GASK1A: variants seen among roughly 807,000 people sequenced by gnomAD.
The protein encoded by GASK1A is golgi associated kinase 1A.
A neutral mutation model predicts 41.2 loss-of-function variants in GASK1A; 40 were observed. That is an observed-to-expected ratio of 0.97 (90% CI 0.75 to 1.27). The LOEUF (loss-of-function observed/expected upper bound fraction) is 1.27. Among genes scored for constraint, GASK1A ranks in the 50% most tolerant of loss-of-function variants. The pLI, the probability that GASK1A is intolerant of heterozygous loss-of-function variation, is 0.00. For synonymous variants in GASK1A, 316 were observed against 307.1 expected (o/e 1.03, Z -0.30); for missense variants, 678 against 745.1 (o/e 0.91, Z 1.05).
intron 1 of GASK1A, among the ~76,000 whole-genome samples, chr3:43,007,445 G>A (rs1315079491): frequency 2.0e-5 from 3 of 152,200 alleles, no homozygotes; most frequent in Non-Finnish European, 4.4e-5. Context: ...TGACTTCACA[G>A]TATGGAGATC....
At chr3:43,024,041 T>C (rs2089534592) in intron 1 of GASK1A, among the ~76,000 whole-genome samples, 2 of 152,104 alleles carry the variant, frequency 1.3e-5, no homozygotes, top group African/African-American at 4.8e-5. Context: ...GTGGGTGTGT[T>C]CACTATATTC....
intron 1 of GASK1A, among the ~76,000 whole-genome samples, chr3:43,020,016 T>C (rs892464473): frequency 6.6e-6 from 1 of 152,304 alleles, no homozygotes; most frequent in East Asian, 1.9e-4. Flanking sequence ...AAAGATGACT[T>C]AGCCTCTGTC....
Position 43,033,322 on chromosome 3 carries a change from C to A in GASK1A, c.1059C>A (p.Ser353Arg), listed in dbSNP as rs754631823. Residue 353 changes from serine (S) to arginine (R), a missense_variant, in exon 2 of 5, where the codon AGC (serine) becomes AGA (arginine). Physicochemically the swap from Ser to Arg is moderately radical, Grantham distance 110. Transcript: ENST00000430121. ...SLPAVARRFH[S>R]PLLPYRYTDG... ...CTGCTGTGGCCCGCCGCTTCCATAGCCCCCTCCTGCCCTACCGATACACAG... is the reference window on the plus strand; with the variant it reads ...CTGCTGTGGCCCGCCGCTTCCATAGACCCCTCCTGCCCTACCGATACACAG... 3 of 1,551,048 alleles carry A rather than the reference C, an allele frequency of 1.9e-6. No homozygotes were observed. The highest frequency in any genetic ancestry group is 1.2e-5 in the South Asian group (1 of 83,992).
At chr3:43,043,338 C>T (rs1392248131) in intron 2 of GASK1A, among the ~76,000 whole-genome samples, 1 of 152,192 alleles carries the variant, frequency 6.6e-6, no homozygotes, top group Non-Finnish European at 1.5e-5. Context: ...CACTCCGGAC[C>T]TTCCCACCCC....
chr3:43,014,781 G>A (rs1476557034), intron 1 of GASK1A, among the ~76,000 whole-genome samples: 9 of 152,176 alleles, frequency 5.9e-5, no homozygotes, highest in Admixed American at 5.9e-4. Context: ...TCACAGGAAT[G>A]GGCAATGTGA....
At chr3:42,996,084 A>G (rs2089367755) in intron 1 of GASK1A, among the ~76,000 whole-genome samples, 1 of 151,774 alleles carries the variant, frequency 6.6e-6, no homozygotes, top group African/African-American at 2.4e-5. Context: ...CCCAACGTAT[A>G]ATCAACGTGG....
In GASK1A at chr3:43,030,756, T is replaced by C. The variant is rs541241116; in HGVS notation, c.4-1511T>C. 2.0e-5 allele frequency among the ~76,000 whole-genome samples: 3 copies of C among 152,220 alleles called. No homozygotes were observed. The East Asian group carries it at 5.8e-4, about 29-fold the overall frequency. On this transcript the variant is annotated intron_variant, in intron 1 of 4. Transcript: ENST00000430121. ...TGAGAATCTGTTGGCCCAGCATGGG[T>C]CAGGATCCAGGATGGCCCCATCAGC... is the stretch of plus-strand genomic sequence containing the variant.
chr3:43,051,660 T>G (rs1244476511), intron 2 of GASK1A, among the ~76,000 whole-genome samples: 1 of 152,242 alleles, frequency 6.6e-6, no homozygotes, highest in Non-Finnish European at 1.5e-5. Context: ...TGTTATCCAT[T>G]GTCTCAGACA....
intron 1 of GASK1A, among the ~76,000 whole-genome samples, chr3:42,999,520 G>T (rs1250156803): frequency 6.6e-6 from 1 of 152,196 alleles, no homozygotes; most frequent in Non-Finnish European, 1.5e-5. Flanking sequence ...AGCCCACCCT[G>T]ATGTACTCAG....
intron 1 of GASK1A, among the ~76,000 whole-genome samples, chr3:43,010,445 A>T (rs2089457959): frequency 6.6e-6 from 1 of 152,230 alleles, no homozygotes; most frequent in Admixed American, 6.5e-5. Flanking sequence ...CATGAAATAC[A>T]GTAGAGTGGG....
At position 43,040,905 on chromosome 3, in the gene GASK1A, T is replaced by C. The variant is rs958687236; in HGVS notation, c.1290+7352T>C. 1.4e-3 allele frequency among the ~76,000 whole-genome samples: 200 copies of C among 140,626 alleles called. 1 individual carries two copies. The highest frequency in any genetic ancestry group is 1.9e-3 in the Non-Finnish European group (121 of 65,088). 92.3% of individuals were successfully genotyped at this position (140,626 alleles called of 152,430 possible). A position where few individuals can be genotyped will look rare whatever the true frequency, so the allele number is the denominator to read the frequency against. On this transcript the variant is annotated intron_variant, in intron 2 of 4. Transcript: ENST00000430121. ...CCCCGCCACAACAGTCCGCAGAGTG[T>C]GATGTTCCCCTTCCTGTGTCCTTGT...
At position 42,996,773 on chromosome 3, in the gene GASK1A, G is replaced by A. The variant is rs764689280; in HGVS notation, c.3+17128G>A. Among the ~76,000 whole-genome samples the A allele has an allele frequency of 5.9e-4, 90 of 152,390 alleles. 1 individual carries two copies. Among genetic ancestry groups the A allele is most frequent in the Non-Finnish European group, 9.6e-4 (65 of 68,042 alleles). On this transcript the variant is annotated intron_variant, in intron 1 of 4. Transcript: ENST00000430121. Reference sequence around the variant, plus strand: ...GGAACTGGAGAAAGGTCATGGTCCTGTGGTCAGGGACTGAGGGGTGTTCCC... The same window carrying A: ...GGAACTGGAGAAAGGTCATGGTCCTATGGTCAGGGACTGAGGGGTGTTCCC...
intron 1 of GASK1A, among the ~76,000 whole-genome samples, chr3:43,027,460 C>A (rs1445653976): frequency 6.6e-6 from 1 of 151,982 alleles, no homozygotes; most frequent in African/African-American, 2.4e-5. Flanking sequence ...TAAAGAATAT[C>A]ATTTAAAGCT....
intron 1 of GASK1A, among the ~76,000 whole-genome samples, chr3:42,980,841 G>T (rs113724177): frequency 6.6e-6 from 1 of 152,142 alleles, no homozygotes; most frequent in African/African-American, 2.4e-5. Flanking sequence ...GGAATGATTG[G>T]GGGTACAGGA....
intron 1 of GASK1A, among the ~76,000 whole-genome samples, chr3:43,019,892 C>T (rs766765738): frequency 1.3e-5 from 2 of 152,170 alleles, no homozygotes; most frequent in African/African-American, 2.4e-5. Context: ...GGGAGAAGAG[C>T]ATGTGATCTG....
chr3:43,008,575 A>G lies in GASK1A; in HGVS notation c.4-23692A>G, dbSNP rs77219407. Among the ~76,000 whole-genome samples, 52 of 152,310 alleles carry G rather than the reference A, an allele frequency of 3.4e-4. No individual in the cohort carries two copies. The East Asian group carries it at 9.3e-3, about 27-fold the overall frequency. ...TTTTTCCATCTCAGATTTCAACTAT[A>G]GCTTTGTTTTAACCTTCTCAAGTGC... On this transcript the variant is annotated intron_variant, in intron 1 of 4. Coordinates refer to ENST00000430121, the MANE Select transcript of GASK1A (RefSeq NM_001129908.3).
At chr3:42,987,465 G>A (rs974561106) in intron 1 of GASK1A, among the ~76,000 whole-genome samples, 3 of 152,086 alleles carry the variant, frequency 2.0e-5, no homozygotes, top group Admixed American at 2.0e-4. Flanking sequence ...AAAGTGGGGG[G>A]AGGGGGTACT....
At chr3:42,986,297 C>G (rs1342430963) in intron 1 of GASK1A, among the ~76,000 whole-genome samples, 1 of 152,144 alleles carries the variant, frequency 6.6e-6, no homozygotes, top group Admixed American at 6.5e-5. Flanking sequence ...GAAAACAGAT[C>G]AGCGGTTGCA....
intron 1 of GASK1A, among the ~76,000 whole-genome samples, chr3:42,983,209 C>A (rs1485187613): frequency 6.6e-6 from 1 of 152,066 alleles, no homozygotes; most frequent in South Asian, 2.1e-4. Context: ...TGAACCTTAG[C>A]CCCTTATCTG....
Sources: allele counts gnomAD v4.1 joint callset (sites outside exome capture counted in the v4.1 genomes callset), GRCh38; gene constraint gnomAD v4.1.1; transcripts MANE v1.5; gene names NCBI Gene and HGNC (gene_info 2026-07-23, HGNC 2026-07-21).